The following MACROD2 variants were observed in gnomAD, a reference collection of about 807,000 sequenced individuals.
MACROD2 encodes mono-ADP ribosylhydrolase 2.
Under a neutral mutation model 70.4 loss-of-function variants are expected in MACROD2, and 36 were observed. The observed-to-expected ratio is 0.51, with a 90% CI of 0.39 to 0.68. The LOEUF is 0.68. Ranked by LOEUF, MACROD2 falls within the 30% of genes least tolerant of loss-of-function variation. The probability of loss-of-function intolerance (pLI) is 0.00; values close to 1 mark genes in which losing one functional copy is unlikely to be tolerated. For synonymous variants in MACROD2, 172 were observed against 178.8 expected (o/e 0.96, Z 0.30); for missense variants, 496 against 538.4 (o/e 0.92, Z 0.78).
chr20:15,593,536 C>T (rs909331571), intron 8 of MACROD2, among the ~76,000 whole-genome samples: 1 of 152,150 alleles, frequency 6.6e-6, no homozygotes, highest in African/African-American at 2.4e-5. Context: ...CAATAGTCCC[C>T]GTGTTAACCC....
At chr20:14,327,545 G>T in intron 3 of MACROD2, 1 of 1,559,692 alleles carries the variant, frequency 6.4e-7, no homozygotes, top group South Asian at 1.2e-5. Context: ...GGTAGCTTCC[G>T]TTACTTCAGA....
rs544874563 is a variant in MACROD2 at position 15,057,244 on chromosome 20, A to T, written c.419-172696A>T. Among the ~76,000 whole-genome samples the T allele has an allele frequency of 2.0e-5, 3 of 152,350 alleles. No homozygotes were observed. The East Asian group carries it at 5.8e-4, about 29-fold the overall frequency. ...ATGATAGGATATATGTACATGTAGT[A>T]TGTCAATTTAATTCCCTCCATTTTA... On this transcript the variant is annotated intron_variant, in intron 5 of 17. Coordinates refer to ENST00000684519, the MANE Select transcript of MACROD2 (RefSeq NM_001351661.2).
At chr20:15,540,030 T>C (rs535203256) in intron 8 of MACROD2, among the ~76,000 whole-genome samples, 4 of 152,094 alleles carry the variant, frequency 2.6e-5, no homozygotes, top group African/African-American at 9.6e-5. Flanking sequence ...TCTCTAGACT[T>C]AGGTAGAGCG....
At chr20:14,735,479 A>T (rs1204514109) in intron 5 of MACROD2, among the ~76,000 whole-genome samples, 1 of 152,170 alleles carries the variant, frequency 6.6e-6, no homozygotes, top group Non-Finnish European at 1.5e-5. Context: ...ATAATAATAA[A>T]AAACAAGTAA....
intron 5 of MACROD2, among the ~76,000 whole-genome samples, chr20:14,743,365 C>T (rs1381947095): frequency 6.6e-6 from 1 of 151,930 alleles, no homozygotes; most frequent in Non-Finnish European, 1.5e-5. Context: ...TTTGGGTGCG[C>T]CCAGTCTAAT....
chr20:15,357,816 T>C (rs2078305718), intron 6 of MACROD2, among the ~76,000 whole-genome samples: 1 of 95,844 alleles, frequency 1.0e-5, no homozygotes, highest in African/African-American at 4.0e-5. Context: ...TTTTTTTTTT[T>C]TTTTTTTCAA....
At chr20:16,018,689 C>A (rs936952548) in intron 15 of MACROD2, among the ~76,000 whole-genome samples, 1 of 152,138 alleles carries the variant, frequency 6.6e-6, no homozygotes. Context: ...AATCATCTGA[C>A]ATACTGTATC....
intron 5 of MACROD2, among the ~76,000 whole-genome samples, chr20:15,127,457 G>A (rs1297072680): frequency 6.6e-6 from 1 of 152,062 alleles, no homozygotes; most frequent in Admixed American, 6.6e-5. Context: ...GCATTCATGA[G>A]TTTAAGAACA....
intron 3 of MACROD2, among the ~76,000 whole-genome samples, chr20:14,468,735 C>A (rs1382969173): frequency 6.6e-6 from 1 of 152,066 alleles, no homozygotes; most frequent in East Asian, 1.9e-4. Flanking sequence ...TGGTCTTGAA[C>A]TCTAGACCTT....
chr20:14,260,690 A>G (rs897236294), intron 3 of MACROD2, among the ~76,000 whole-genome samples: 1 of 152,166 alleles, frequency 6.6e-6, no homozygotes, highest in African/African-American at 2.4e-5. Context: ...TATATCTATC[A>G]TTTGTTATAT....
At chr20:15,930,902 C>T (rs2065566415) in intron 10 of MACROD2, among the ~76,000 whole-genome samples, 1 of 152,212 alleles carries the variant, frequency 6.6e-6, no homozygotes, top group South Asian at 2.1e-4. Context: ...TGTAATTTAA[C>T]TGCTGTTTTT....
At chr20:15,357,860 G>T (rs1192195925) in intron 6 of MACROD2, among the ~76,000 whole-genome samples, 2 of 147,790 alleles carry the variant, frequency 1.4e-5, no homozygotes, top group Non-Finnish European at 3.0e-5. Flanking sequence ...AGGCTGGAGT[G>T]CAGTGGCGCG....
chr20:15,649,190 CCTTT>C (rs1181593539), intron 8 of MACROD2, among the ~76,000 whole-genome samples: 1 of 123,070 alleles, frequency 8.1e-6, no homozygotes. Flanking sequence ...CCTTCTTTTT[CCTTT>C]CTTCTTTCTT....
intron 6 of MACROD2, among the ~76,000 whole-genome samples, chr20:15,385,624 C>T (rs1267271526): frequency 6.6e-6 from 1 of 152,138 alleles, no homozygotes; most frequent in Admixed American, 6.5e-5. Flanking sequence ...TACACATTGA[C>T]ATAAATTATT....
At chr20:14,039,805 G>GTTTTTTTTTTTT (rs11482552) in intron 2 of MACROD2, among the ~76,000 whole-genome samples, 1 of 144,998 alleles carries the variant, frequency 6.9e-6, no homozygotes, top group Non-Finnish European at 1.5e-5. Context: ...TTTGCCATCT[G>GTTTTTTTTTTTT]TTTTTTTTTT....
In MACROD2 at chr20:14,710,302, A is replaced by C. The variant is rs1192063933; in HGVS notation, c.418+25343A>C. Reference sequence around the variant, plus strand: ...TAAAGTTCTGCCCATATGAAGGCATACTCCCATTTATTTGCTCAGTCTTGG... The same window carrying C: ...TAAAGTTCTGCCCATATGAAGGCATCCTCCCATTTATTTGCTCAGTCTTGG... On this transcript the variant is annotated intron_variant, in intron 5 of 17. Coordinates refer to ENST00000684519, the MANE Select transcript of MACROD2 (RefSeq NM_001351661.2). 2.0e-5 allele frequency among the ~76,000 whole-genome samples: 3 copies of C among 152,288 alleles called. No individual in the cohort carries two copies. The East Asian group carries it at 5.8e-4, about 29-fold the overall frequency.
At chr20:15,449,473 A>C (rs1475021206) in intron 7 of MACROD2, among the ~76,000 whole-genome samples, 1 of 152,130 alleles carries the variant, frequency 6.6e-6, no homozygotes, top group Non-Finnish European at 1.5e-5. Context: ...AATGGTAAAA[A>C]TCTCTTCCCA....
intron 5 of MACROD2, among the ~76,000 whole-genome samples, chr20:14,721,911 TGTG>T (rs1185330458): frequency 6.6e-6 from 1 of 152,094 alleles, no homozygotes; most frequent in Admixed American, 6.5e-5. Flanking sequence ...TAAGGAACCG[TGTG>T]GTAGAAATTA....
At chr20:15,384,411 C>T (rs1396745541) in intron 6 of MACROD2, among the ~76,000 whole-genome samples, 1 of 152,148 alleles carries the variant, frequency 6.6e-6, no homozygotes, top group Non-Finnish European at 1.5e-5. Flanking sequence ...CAGGTATGCA[C>T]CACCATCCCT....
Sources: allele counts gnomAD v4.1 joint callset (sites outside exome capture counted in the v4.1 genomes callset), GRCh38; gene constraint gnomAD v4.1.1; transcripts MANE v1.5; gene names NCBI Gene and HGNC (gene_info 2026-07-23, HGNC 2026-07-21).